Variants in RTN4 observed in about 807,000 individuals in gnomAD.
The protein encoded by RTN4 is reticulon-4.
A neutral mutation model predicts 90.4 loss-of-function variants in RTN4; 32 were observed. The ratio of observed to expected loss-of-function variants is 0.35; its 90% CI spans 0.27 to 0.48. The LOEUF is 0.48. Among genes scored for constraint, RTN4 ranks in the 20% least tolerant of loss-of-function variants. The pLI is 0.99. For synonymous variants in RTN4, 629 were observed against 552.5 expected (o/e 1.14, Z -1.94); for missense variants, 1,706 against 1,430.2 (o/e 1.19, Z -3.11).
chr2:54,973,130 ACTC>A lies in RTN4; in HGVS notation c.*23_*25del, dbSNP rs1217611210. On this transcript the variant is annotated 3_prime_UTR_variant, in exon 9 of 9. Transcript: ENST00000337526. ...AAATGAATATCCCCTTTAAAGATGA[ACTC>A]CTACTAATTATTTTGGGCGTTTTCA... 8.2e-6 allele frequency: 13 copies of A among 1,589,978 alleles called. No homozygotes were observed. Among genetic ancestry groups the A allele is most frequent in the Non-Finnish European group, 1.1e-5 (13 of 1,160,380 alleles).
intron 3 of RTN4, among the ~76,000 whole-genome samples, chr2:55,020,397 A>G (rs1681338140): frequency 6.7e-6 from 1 of 150,302 alleles, no homozygotes; most frequent in Non-Finnish European, 1.5e-5. Flanking sequence ...ATTAATTAAC[A>G]TATCTATAGC....
intron 1 of RTN4, among the ~76,000 whole-genome samples, chr2:55,089,446 G>A (rs1668899145): frequency 6.6e-6 from 1 of 152,140 alleles, no homozygotes; most frequent in African/African-American, 2.4e-5. Flanking sequence ...AATGTGACTT[G>A]TCTACTTCTA....
At chr2:55,109,295 C>T (rs555602291) in intron 1 of RTN4, among the ~76,000 whole-genome samples, 8 of 152,050 alleles carry the variant, frequency 5.3e-5, no homozygotes, top group South Asian at 2.1e-4. Context: ...CAGCCTGAGC[C>T]CTTCAATAAT....
At chr2:55,101,339 C>A (rs1667849405) in intron 1 of RTN4, among the ~76,000 whole-genome samples, 1 of 151,906 alleles carries the variant, frequency 6.6e-6, no homozygotes, top group South Asian at 2.1e-4. Flanking sequence ...GTAACTTGTT[C>A]AGAAGAGTGA....
chr2:54,982,786 C>T (rs747168837), intron 4 of RTN4, 133 bp from the exon 5 acceptor site: 47 of 963,252 alleles, frequency 4.9e-5, no homozygotes, highest in Admixed American at 1.6e-4. Flanking sequence ...AAATTAGGGG[C>T]AATATAAAAA....
At chr2:55,112,685 G>T (rs984489164), upstream of RTN4, 1 of 152,338 alleles carries the variant, frequency 6.6e-6, no homozygotes, top group African/African-American at 2.4e-5. Flanking sequence ...CCCGCCTTGC[G>T]GCTCGAGCAT....
chr2:55,067,469 G>A (rs1450814598), intron 2 of RTN4, among the ~76,000 whole-genome samples: 1 of 148,288 alleles, frequency 6.7e-6, no homozygotes, highest in African/African-American at 2.5e-5. Flanking sequence ...CTGGAGTGCA[G>A]TTGCACGATC....
intron 1 of RTN4, among the ~76,000 whole-genome samples, chr2:55,109,052 T>C (rs1667991789): frequency 1.3e-5 from 2 of 152,124 alleles, no homozygotes; most frequent in South Asian, 4.1e-4. Flanking sequence ...AGTGGGATTG[T>C]TTTAAATCGA....
intron 3 of RTN4, among the ~76,000 whole-genome samples, chr2:54,998,430 G>A (rs1029399065): frequency 2.0e-5 from 3 of 152,126 alleles, no homozygotes; most frequent in Admixed American, 2.0e-4. Context: ...TGATTAGAAT[G>A]AATGAATACC....
chr2:55,027,820 T>C (rs1186676900), intron 2 of RTN4, among the ~76,000 whole-genome samples: 1 of 152,128 alleles, frequency 6.6e-6, no homozygotes, highest in Non-Finnish European at 1.5e-5. Flanking sequence ...GGTGACAGCA[T>C]AGGAAAGAAG....
At chr2:55,090,625 T>C (rs6751437) in intron 1 of RTN4, among the ~76,000 whole-genome samples, 27,199 of 152,200 alleles carry the variant, frequency 0.18, 4,889 homozygotes, top group African/African-American at 0.47. Flanking sequence ...CCATGAAATA[T>C]GGAGTAGGGC....
rs542671063 is a variant in RTN4, at chr2:55,050,007, G to C, written c.294C>G (p.Pro98=). 71 of 1,380,414 alleles carry C rather than the reference G, an allele frequency of 5.1e-5. No individual in the cohort carries two copies. Among genetic ancestry groups the C allele is most frequent in the Admixed American group, 5.1e-4 (14 of 27,376 alleles). The allele number at this position is 1,380,414 out of a possible 1,614,324, so 85.5% of individuals were successfully genotyped here. A position where few individuals can be genotyped will look rare whatever the true frequency, so the allele number is the denominator to read the frequency against. ...ACGGCTGCCGCTCCGGGGCGACGGG[G>C]GGAGCGGCCGGCAGGGGTCCCCGGG... ...PAPRGPLPAA[P]PVAPERQPSW... The change falls in exon 1 of 9, where the codon CCC becomes CCG. Residue 98 remains proline (P), a synonymous_variant. Coordinates refer to ENST00000337526, the MANE Select transcript of RTN4 (RefSeq NM_020532.5). The surrounding 1 kb of genome is among the most constrained non-coding windows in gnomAD (Gnocchi z 4.6).
At chr2:55,018,151 A>G (rs1201655176) in intron 3 of RTN4, among the ~76,000 whole-genome samples, 1 of 152,238 alleles carries the variant, frequency 6.6e-6, no homozygotes, top group Non-Finnish European at 1.5e-5. Flanking sequence ...CATCTATAAA[A>G]TGGTTCCTTC....
chr2:55,056,910 A>C (rs1668199992), intron 2 of RTN4, among the ~76,000 whole-genome samples: 1 of 152,216 alleles, frequency 6.6e-6, no homozygotes, highest in African/African-American at 2.4e-5. Flanking sequence ...ATCAGAGGTT[A>C]TGCAATAAGA....
At chr2:54,985,112 AC>A (rs1187279649) in intron 4 of RTN4, among the ~76,000 whole-genome samples, 2 of 137,928 alleles carry the variant, frequency 1.5e-5, no homozygotes, top group African/African-American at 5.5e-5. Flanking sequence ...TAAAAATCAT[AC>A]TTCTTTATGA....
chr2:55,119,781 A>G, the RTN4 span, among the ~76,000 whole-genome samples: 1 of 152,146 alleles, frequency 6.6e-6, no homozygotes, highest in Non-Finnish European at 1.5e-5. Flanking sequence ...TGTGGTTTCC[A>G]CAACCACCTC....
intron 1 of RTN4, among the ~76,000 whole-genome samples, chr2:55,045,926 T>C (rs1262580035): frequency 1.3e-5 from 2 of 152,200 alleles, no homozygotes; most frequent in African/African-American, 4.8e-5. Flanking sequence ...AAAGCCTAAC[T>C]TAACCAACCA....
intron 3 of RTN4, among the ~76,000 whole-genome samples, chr2:55,023,263 A>T (rs899075959): frequency 4.6e-5 from 7 of 152,090 alleles, no homozygotes; most frequent in African/African-American, 1.7e-4. Flanking sequence ...TGTTTGGCAC[A>T]ATCAAAGAAA....
the RTN4 span, among the ~76,000 whole-genome samples, chr2:55,126,145 C>T: frequency 6.6e-6 from 1 of 151,606 alleles, no homozygotes; most frequent in African/African-American, 2.4e-5. Flanking sequence ...GGGCAGATCA[C>T]CTGAGGTCAA....
Sources: allele counts gnomAD v4.1 joint callset (sites outside exome capture counted in the v4.1 genomes callset), GRCh38; gene constraint gnomAD v4.1.1; non-coding constraint Gnocchi (gnomAD v3.1); transcripts MANE v1.5; gene names NCBI Gene and HGNC (gene_info 2026-07-23, HGNC 2026-07-21).